The following MED23 variants were observed in gnomAD, a reference collection of about 807,000 sequenced individuals.
The protein encoded by MED23 is mediator of RNA polymerase II transcription subunit 23.
A neutral mutation model predicts 163.9 loss-of-function variants in MED23; 105 were observed. The observed-to-expected ratio is 0.64, with a 90% confidence interval of 0.55 to 0.75. The LOEUF is 0.75. MED23 is among the 30% of genes least tolerant of loss of function. The pLI is 0.00. For synonymous variants in MED23, 561 were observed against 565.6 expected, an observed-to-expected ratio of 0.99 and a Z score of 0.12; for missense variants, 1,054 against 1,649.0, an observed-to-expected ratio of 0.64 and a Z score of 6.25.
chr6:131,588,236 A>G (rs1417015085), intron 28 of MED23, among the ~76,000 whole-genome samples: 1 of 152,258 alleles, frequency 6.6e-6, no homozygotes, highest in African/African-American at 2.4e-5. Context: ...TTAAAATGCC[A>G]TCTTTACAGA....
At chr6:131,582,604 A>C, downstream of MED23, 11 of 1,600,842 alleles carry the variant, frequency 6.9e-6, no homozygotes, top group Non-Finnish European at 9.4e-6. Flanking sequence ...AACCAAGTGA[A>C]AACATTGTAA....
chr6:131,596,718 A>C (rs760246235), intron 20 of MED23, 30 bp from the exon 21 acceptor site: 2 of 1,607,414 alleles, frequency 1.2e-6, no homozygotes, highest in East Asian at 2.2e-5. Context: ...AATTATATGA[A>C]AATGTTCAAC....
rs374663323 is a variant in MED23 at position 131,586,799 on chromosome 6, T to C, written c.*880A>G. On this transcript the variant is annotated 3_prime_UTR_variant, in exon 29 of 29. Transcript: ENST00000368068. ...TCATTAGTTTTCAAGTCTTTCGCAATGCCAATTCCCCCAAAATTAACAATG... is the reference window on the plus strand; with the variant it reads ...TCATTAGTTTTCAAGTCTTTCGCAACGCCAATTCCCCCAAAATTAACAATG... 3 of 1,506,578 alleles carry C rather than the reference T, an allele frequency of 2.0e-6. No individual in the cohort carries two copies. The highest frequency in any genetic ancestry group is 1.2e-5 in the South Asian group (1 of 82,438). 93.3% of individuals were successfully genotyped at this position (1,506,578 alleles called of 1,614,324 possible). A position where few individuals can be genotyped will look rare whatever the true frequency, so the allele number is the denominator to read the frequency against.
chr6:131,602,323 G>T lies in MED23; in HGVS notation c.1990C>A (p.Gln664Lys). The part of the protein sequence containing the change: ...TALGSSEVQP[Q>K]FTRFLSDPKT... ...GGATCACTAAGGAAGCGTGTAAACT[G>T]CGGTTGTACCTCTGAGCTACCTAAT... Residue 664 changes from glutamine (Q) to lysine (K), a missense_variant, in exon 17 of 29, where the codon CAG (glutamine) becomes AAG (lysine). Transcript: ENST00000368068. 1 of 1,613,840 alleles carries T rather than the reference G, an allele frequency of 6.2e-7. No individual in the cohort carries two copies. The highest frequency in any genetic ancestry group is 8.5e-7 in the Non-Finnish European group (1 of 1,179,792).
chr6:131,627,212 G>T (rs1777566336), intron 3 of MED23, 184 bp downstream of exon 3: 1 of 615,006 alleles, frequency 1.6e-6, no homozygotes, highest in Non-Finnish European at 2.8e-6. Context: ...CTCAACACAG[G>T]TTTTCCACTG....
At chr6:131,618,281 TA>T in intron 9 of MED23, 125 bp downstream of exon 9, 1 of 749,388 alleles carries the variant, frequency 1.3e-6, no homozygotes, top group Non-Finnish European at 2.4e-6. Flanking sequence ...TGATAAACTA[TA>T]AACTATCTTT....
Position 131,598,834 on chromosome 6 carries a change from G to T in MED23, c.2221-73C>A. The T allele has an allele frequency of 7.1e-7, 1 of 1,410,910 alleles. No individual in the cohort carries two copies. The highest frequency in any genetic ancestry group is 1.0e-6 in the Non-Finnish European group (1 of 1,000,636). 87.4% of individuals were successfully genotyped at this position (1,410,910 alleles called of 1,614,324 possible). ...CACTGGATATGGAGTTAATAAACCAGTTCTAGACTTGATTCTGACACTAAT... is the reference window on the plus strand; with the variant it reads ...CACTGGATATGGAGTTAATAAACCATTTCTAGACTTGATTCTGACACTAAT... On this transcript the variant is annotated intron_variant, in intron 18 of 28. Coordinates refer to ENST00000368068, the MANE Select transcript of MED23 (RefSeq NM_004830.4). The surrounding 1 kb of genome is among the most constrained non-coding windows in gnomAD (Gnocchi z 4.7).
rs1315533888 is a variant in MED23 at position 131,626,047 on chromosome 6, G to A, written c.160-1058C>T. On this transcript the variant is annotated intron_variant, in intron 3 of 28. Transcript: ENST00000368068. ...TGAGGCAGGAGAACGGCGTGAACCC[G>A]AGAGGCAGAGGTTGCAGTGAGCCAA... Among the ~76,000 whole-genome samples, 5 of 148,914 alleles carry A rather than the reference G, an allele frequency of 3.4e-5. No individual in the cohort carries two copies. The East Asian group carries it at 7.9e-4, about 24-fold the overall frequency.
chr6:131,604,253 G>A lies in MED23; in HGVS notation c.1681C>T (p.Pro561Ser). ...AHAKSSVALA[P>S]ALVETYSRLL... ...CGACTGTAAGTTTCCACTAGGGCTG[G>A]AGCCAAGGCCACACTGGACTTTGCA... The change falls in exon 15 of 29, where the codon CCA becomes TCA. Residue 561 changes from proline to serine, a missense_variant. This residue lies in a region of MED23 where 54 missense variants were observed against 89.8 expected (regional missense o/e 0.60). Coordinates refer to ENST00000368068, the MANE Select transcript of MED23 (RefSeq NM_004830.4). The A allele has an allele frequency of 6.2e-7, 1 of 1,613,858 alleles. No individual in the cohort carries two copies. Among genetic ancestry groups the A allele is most frequent in the Non-Finnish European group, 8.5e-7 (1 of 1,179,828 alleles).
chr6:131,598,875 T>C lies in MED23; in HGVS notation c.2221-114A>G. ...TGACACTAATAAACTCTAGGTCACC[T>C]TGAGCAACTCAGCAATTAAGGCCTG... is the stretch of plus-strand genomic sequence containing the variant. On this transcript the variant is annotated intron_variant, in intron 18 of 28. Coordinates refer to ENST00000368068, the MANE Select transcript of MED23 (RefSeq NM_004830.4). This position sits in a 1 kb window ranked among gnomAD's most constrained non-coding sequence, Gnocchi z 4.7. 2 of 969,884 alleles carry C rather than the reference T, an allele frequency of 2.1e-6. No homozygotes were observed. The highest frequency in any genetic ancestry group is 2.8e-5 in the South Asian group (2 of 72,300). 60.1% of individuals were successfully genotyped at this position (969,884 alleles called of 1,614,324 possible). A position where few individuals can be genotyped will look rare whatever the true frequency, so the allele number is the denominator to read the frequency against.
intron 10 of MED23, among the ~76,000 whole-genome samples, chr6:131,614,511 A>G (rs1269482226): frequency 3.9e-5 from 6 of 152,222 alleles, no homozygotes; most frequent in Admixed American, 3.9e-4. Flanking sequence ...TATTTTGTTT[A>G]AAATATCAAA....
chr6:131,627,378 TA>T lies in MED23; in HGVS notation c.159+17del. On this transcript the variant is annotated intron_variant, in intron 3 of 28. Transcript: ENST00000368068. ...GCCAAAAATCATCAGCTGAATGTAT[TA>T]AAAATGAAGCGCTCACCTGAGAAAG... 6.3e-7 allele frequency: 1 copy of T among 1,594,936 alleles called. No homozygotes were observed. Among genetic ancestry groups the T allele is most frequent in the Admixed American group, 1.7e-5 (1 of 59,386 alleles).
intron 4 of MED23, 88 bp downstream of exon 4, chr6:131,624,777 T>G: frequency 1.4e-6 from 2 of 1,435,260 alleles, no homozygotes; most frequent in Non-Finnish European, 1.9e-6. Flanking sequence ...CTTCATTCTC[T>G]TACCTTTTTA....
chr6:131,596,008 A>G lies in MED23; in HGVS notation c.2934T>C (p.Leu978=). 6.2e-7 allele frequency: 1 copy of G among 1,614,072 alleles called. No individual in the cohort carries two copies. The highest frequency in any genetic ancestry group is 8.5e-7 in the Non-Finnish European group (1 of 1,179,974). Residue 978 remains leucine, a synonymous_variant, in exon 22 of 29, where the codon CTT becomes CTC. Coordinates refer to ENST00000368068, the MANE Select transcript of MED23 (RefSeq NM_004830.4). ...GAGTCTCCAGTGATTTGGATACCGG[A>G]AGCAACTCTAAAAATCTGTGGATTA... ...DIVIHRFLEL[L]PVSKSLETLL...
rs1057521893 is a variant in MED23, at chr6:131,579,100, T to C, written c.4096-4805A>G. 6.2e-7 allele frequency: 1 copy of C among 1,613,928 alleles called. No homozygotes were observed. On this transcript the variant is annotated intron_variant, in intron 30 of 30. Transcript: ENST00000354577. ...TTTTTAATTTAGTAACTCAAAACTT[T>C]TTAATTTTAGAGTGTGATGTGAAGG...
chr6:131,576,591 G>T, intron 30 of MED23: 1 of 1,413,264 alleles, frequency 7.1e-7, no homozygotes, highest in East Asian at 2.3e-5. Flanking sequence ...ATTAAATAAT[G>T]AAAAGGGTTC....
intron 30 of MED23, among the ~76,000 whole-genome samples, chr6:131,579,989 A>G (rs768733486): frequency 7.9e-5 from 12 of 152,242 alleles, no homozygotes; most frequent in Middle Eastern, 3.4e-3. Context: ...ATTTTTCATC[A>G]AGGGGTTACA....
chr6:131,596,614 G>A lies in MED23; in HGVS notation c.2682C>T (p.Asn894=), dbSNP rs555388715. Residue 894 remains asparagine (N), a synonymous_variant, in exon 21 of 29, where the codon AAC becomes AAT. Transcript: ENST00000368068. ...AGTCACTTACTCGATTTCTAAAATC[G>A]TTTGGTTTGAGTAACAGCAACTGAA... ...FIIQLLLLKP[N]DFRNRVSDFV... 5.2e-5 allele frequency: 84 copies of A among 1,614,108 alleles called. 2 individuals are homozygous for A. The South Asian group carries it at 6.5e-4, about 12-fold the overall frequency.
At chr6:131,602,768 CATA>C (rs779059678) in intron 16 of MED23, among the ~76,000 whole-genome samples, 30 of 152,040 alleles carry the variant, frequency 2.0e-4, no homozygotes, top group Non-Finnish European at 3.4e-4. Context: ...TAAGTTACAA[CATA>C]ATAATAAATA....
Sources: gnomAD v4.1 joint callset for allele counts (sites outside exome capture counted in the v4.1 genomes callset) on GRCh38, gnomAD v4.1.1 for gene constraint, gnomAD v4.1.1 regional missense constraint, Gnocchi (gnomAD v3.1) non-coding constraint, MANE v1.5 for transcripts, NCBI Gene and HGNC (gene_info 2026-07-23, HGNC 2026-07-21) for gene names.